The following PLXNA4 variants were observed in gnomAD, a reference collection of about 807,000 sequenced individuals.
PLXNA4 encodes plexin-A4.
PLXNA4 carries 44 observed loss-of-function variants against 191.8 expected under a neutral mutation model. The ratio of observed to expected loss-of-function variants is 0.23; its 90% CI spans 0.18 to 0.29. PLXNA4 has a LOEUF of 0.29. Ranked by LOEUF, PLXNA4 falls within the 10% of genes least tolerant of loss-of-function variation. PLXNA4 has a pLI of 1.00. For synonymous variants in PLXNA4, 1,082 were observed against 1,009.5 expected (o/e 1.07, Z -1.36); for missense variants, 1,800 against 2,488.8 (o/e 0.72, Z 5.89).
intron 4 of PLXNA4, among the ~76,000 whole-genome samples, chr7:132,273,354 A>G (rs1250531519): frequency 6.6e-6 from 1 of 151,536 alleles, no homozygotes; most frequent in Non-Finnish European, 1.5e-5. Flanking sequence ...ACACACACAC[A>G]CACGCACGCA....
chr7:132,269,469 C>T (rs1298168509), intron 4 of PLXNA4, among the ~76,000 whole-genome samples: 2 of 151,486 alleles, frequency 1.3e-5, no homozygotes, highest in East Asian at 3.9e-4. Context: ...GGATGCTGCT[C>T]ATGATGCCTA....
Position 132,606,225 on chromosome 7 carries a change from G to A in PLXNA4, c.-87+39703C>T, listed in dbSNP as rs556568544. On this transcript the variant is annotated intron_variant, in intron 2 of 4. Coordinates refer to the PLXNA4 transcript ENST00000378539. The stretch of plus-strand genomic sequence containing the variant: ...CCACCAGAGGCCAGGAAGAGGTAAG[G>A]AAGGATTCTCCTGAGAGTTCCATAG... Among the ~76,000 whole-genome samples the A allele has an allele frequency of 1.4e-4, 22 of 152,320 alleles. No individual in the cohort carries two copies. In the East Asian group the frequency reaches 4.2e-3, roughly 29 times the overall value.
intron 3 of PLXNA4, among the ~76,000 whole-genome samples, chr7:132,362,908 T>G (rs1377527323): frequency 1.3e-5 from 2 of 152,244 alleles, no homozygotes; most frequent in East Asian, 3.8e-4. Flanking sequence ...TTTAGCTATT[T>G]TTAAGTGTAA....
chr7:132,211,198 G>C, intron 9 of PLXNA4, 55 bp from the exon 10 acceptor site: 1 of 1,507,534 alleles, frequency 6.6e-7, no homozygotes, highest in Non-Finnish European at 9.0e-7. Flanking sequence ...AATGAGCAAG[G>C]ACCTCTGCAG....
intron 3 of PLXNA4, among the ~76,000 whole-genome samples, chr7:132,411,408 G>C (rs1373092012): frequency 6.6e-6 from 1 of 152,162 alleles, no homozygotes; most frequent in Non-Finnish European, 1.5e-5. Context: ...GCTGATGAAG[G>C]GTATGTTACG....
intron 21 of PLXNA4, 121 bp downstream of exon 21, chr7:132,174,657 C>G: frequency 4.8e-6 from 7 of 1,470,822 alleles, no homozygotes; most frequent in Non-Finnish European, 6.4e-6. Context: ...TCTGGGGGAC[C>G]TTGGGCAAGT....
At chr7:132,240,352 T>A (rs1798835156) in intron 5 of PLXNA4, among the ~76,000 whole-genome samples, 1 of 152,234 alleles carries the variant, frequency 6.6e-6, no homozygotes, top group African/African-American at 2.4e-5. Flanking sequence ...CTTTGGTTTA[T>A]TTACTGTTTA....
At chr7:132,598,148 G>A (rs575312592) in intron 2 of PLXNA4, among the ~76,000 whole-genome samples, 8 of 151,864 alleles carry the variant, frequency 5.3e-5, no homozygotes, top group East Asian at 1.9e-4. Context: ...TTGCTCTGTC[G>A]CCCAGGCTGG....
At chr7:132,376,848 CCT>C (rs1310215471) in intron 3 of PLXNA4, among the ~76,000 whole-genome samples, 1 of 152,190 alleles carries the variant, frequency 6.6e-6, no homozygotes, top group Non-Finnish European at 1.5e-5. Context: ...CCTCCTTGAT[CCT>C]CTCTGTCTTC....
chr7:132,323,090 G>A (rs1170255575), intron 3 of PLXNA4, among the ~76,000 whole-genome samples: 1 of 152,222 alleles, frequency 6.6e-6, no homozygotes, highest in East Asian at 1.9e-4. Context: ...AAGATCCGTT[G>A]GGGGAGAGAC....
intron 3 of PLXNA4, among the ~76,000 whole-genome samples, chr7:132,313,190 G>T (rs375662706): frequency 2.6e-5 from 4 of 152,074 alleles, no homozygotes; most frequent in East Asian, 3.8e-4. Context: ...AGCTAGTAAT[G>T]GTTACACAAA....
intron 2 of PLXNA4, among the ~76,000 whole-genome samples, chr7:132,631,014 C>A (rs1803481473): frequency 6.6e-6 from 1 of 152,148 alleles, no homozygotes; most frequent in African/African-American, 2.4e-5. Flanking sequence ...AACCAGAACA[C>A]CCATAGTGGC....
intron 3 of PLXNA4, among the ~76,000 whole-genome samples, chr7:132,403,648 T>TC (rs2117052169): frequency 6.6e-6 from 1 of 152,096 alleles, no homozygotes; most frequent in East Asian, 1.9e-4. Context: ...TCCTCCACTC[T>TC]CTCTCTCCAA....
At chr7:132,500,110 C>T (rs1027914089) in intron 2 of PLXNA4, among the ~76,000 whole-genome samples, 6 of 152,202 alleles carry the variant, frequency 3.9e-5, no homozygotes, top group Admixed American at 3.9e-4. Flanking sequence ...GTGAAGGTAA[C>T]AGCAGCAAGC....
intron 30 of PLXNA4, 77 bp downstream of exon 30, chr7:132,140,522 G>T: frequency 6.4e-7 from 1 of 1,552,938 alleles, no homozygotes; most frequent in Non-Finnish European, 8.7e-7. Context: ...GGTTTTTGAT[G>T]GGGAGGGGAC....
At chr7:132,647,869 T>C (rs1172685127) in intron 1 of PLXNA4, among the ~76,000 whole-genome samples, 1 of 150,758 alleles carries the variant, frequency 6.6e-6, no homozygotes. Flanking sequence ...ACACATACAC[T>C]CACACACATC....
intron 2 of PLXNA4, among the ~76,000 whole-genome samples, chr7:132,597,917 A>G (rs1486222716): frequency 2.7e-5 from 4 of 150,894 alleles, no homozygotes; most frequent in Non-Finnish European, 5.9e-5. Flanking sequence ...ACTCCATCGT[A>G]TGCTTCTACC....
chr7:132,288,405 T>G (rs570455617), intron 4 of PLXNA4, among the ~76,000 whole-genome samples: 1 of 152,158 alleles, frequency 6.6e-6, no homozygotes, highest in Admixed American at 6.5e-5. Context: ...AGTGGGAATA[T>G]CTCAGTAATG....
At chr7:132,280,470 A>AT (rs1298077912) in intron 4 of PLXNA4, among the ~76,000 whole-genome samples, 2 of 152,246 alleles carry the variant, frequency 1.3e-5, no homozygotes, top group Non-Finnish European at 2.9e-5. Context: ...TTCTGGCCAT[A>AT]TTTATACAAG....
Sources: gnomAD v4.1 joint callset for allele counts (sites outside exome capture counted in the v4.1 genomes callset) on GRCh38, gnomAD v4.1.1 for gene constraint, MANE v1.5 for transcripts, NCBI Gene and HGNC (gene_info 2026-07-23, HGNC 2026-07-21) for gene names.